The following CACNA1E variants were observed in gnomAD, a reference collection of about 807,000 sequenced individuals.
CACNA1E encodes the protein calcium voltage-gated channel subunit alpha1 E, also known as voltage-dependent R-type calcium channel subunit alpha-1E.
CACNA1E carries 40 observed loss-of-function variants against 259.2 expected under a neutral mutation model. The ratio of observed to expected loss-of-function variants is 0.15; its 90% CI spans 0.12 to 0.20. CACNA1E has a LOEUF of 0.20. Ranked by LOEUF, CACNA1E falls within the 10% of genes least tolerant of loss-of-function variation. The pLI is 1.00. For missense variants in CACNA1E, 1,874 were observed against 3,040.1 expected (o/e 0.62, Z 9.02); for synonymous variants, 1,104 against 1,138.5 (o/e 0.97, Z 0.61).
At chr1:181,434,970 G>A (rs1252784613) in intron 2 of CACNA1E, among the ~76,000 whole-genome samples, 1 of 152,194 alleles carries the variant, frequency 6.6e-6, no homozygotes, top group Non-Finnish European at 1.5e-5. Flanking sequence ...CTTGATCTGG[G>A]TTGCAGACAG....
chr1:181,685,328 T>A (rs777895250), intron 7 of CACNA1E, among the ~76,000 whole-genome samples: 3 of 151,216 alleles, frequency 2.0e-5, no homozygotes, highest in Non-Finnish European at 2.9e-5. Context: ...CAACCATATA[T>A]ATTATACCTC....
intron 1 of CACNA1E, among the ~76,000 whole-genome samples, chr1:181,360,364 T>C (rs1653777514): frequency 6.6e-6 from 1 of 152,328 alleles, no homozygotes; most frequent in African/African-American, 2.4e-5. Flanking sequence ...CATTAGCTGA[T>C]GAATGGATAA....
chr1:181,476,717 G>A (rs1346643767), intron 2 of CACNA1E, among the ~76,000 whole-genome samples: 1 of 152,198 alleles, frequency 6.6e-6, no homozygotes, highest in Non-Finnish European at 1.5e-5. Context: ...TGCAAGGTGT[G>A]GGCTGTGTTG....
intron 6 of CACNA1E, among the ~76,000 whole-genome samples, chr1:181,620,463 T>G (rs567929885): frequency 1.3e-5 from 2 of 152,236 alleles, no homozygotes; most frequent in Non-Finnish European, 2.9e-5. Context: ...TTGTGATACA[T>G]TCACCTCAAG....
intron 6 of CACNA1E, among the ~76,000 whole-genome samples, chr1:181,582,972 C>A (rs1275745346): frequency 6.6e-6 from 1 of 152,154 alleles, no homozygotes; most frequent in Admixed American, 6.5e-5. Context: ...TGACTTCCAG[C>A]CTGTCAGTCA....
At chr1:181,425,818 C>G (rs1049339325) in intron 2 of CACNA1E, among the ~76,000 whole-genome samples, 1 of 152,048 alleles carries the variant, frequency 6.6e-6, no homozygotes, top group African/African-American at 2.4e-5. Flanking sequence ...TGAAGGCATG[C>G]AGGGTTGGCG....
At chr1:181,564,161 C>A (rs904309958) in intron 3 of CACNA1E, among the ~76,000 whole-genome samples, 1 of 152,030 alleles carries the variant, frequency 6.6e-6, no homozygotes, top group African/African-American at 2.4e-5. Context: ...TTGCTGTATC[C>A]GTTGACTCTT....
intron 1 of CACNA1E, among the ~76,000 whole-genome samples, chr1:181,403,819 G>A (rs942027650): frequency 2.0e-5 from 3 of 152,216 alleles, no homozygotes; most frequent in South Asian, 4.1e-4. Context: ...GGTGGCTTCC[G>A]GGTTGATTGA....
chr1:181,422,251 T>C (rs1326966308), intron 2 of CACNA1E, among the ~76,000 whole-genome samples: 1 of 152,228 alleles, frequency 6.6e-6, no homozygotes, highest in Non-Finnish European at 1.5e-5. Context: ...GTGAGATCAG[T>C]GATTTGACTG....
chr1:181,388,498 A>C (rs1249944107), intron 1 of CACNA1E, among the ~76,000 whole-genome samples: 2 of 152,214 alleles, frequency 1.3e-5, no homozygotes, highest in Non-Finnish European at 2.9e-5. Context: ...TCTGTATGGC[A>C]TGTTACTGCA....
chr1:181,729,589 A>G (rs191870488), intron 18 of CACNA1E, among the ~76,000 whole-genome samples: 44 of 152,342 alleles, frequency 2.9e-4, no homozygotes, highest in Non-Finnish European at 5.6e-4. Context: ...CATCTTTGAA[A>G]TGAGAAGAAT....
intron 7 of CACNA1E, among the ~76,000 whole-genome samples, chr1:181,691,002 A>G (rs1651097598): frequency 6.6e-6 from 1 of 152,006 alleles, no homozygotes; most frequent in Non-Finnish European, 1.5e-5. Flanking sequence ...CATTGTGCTC[A>G]CTGCATCTAT....
chr1:181,753,279 C>G (rs1402534158), intron 27 of CACNA1E, among the ~76,000 whole-genome samples: 1 of 152,216 alleles, frequency 6.6e-6, no homozygotes, highest in Non-Finnish European at 1.5e-5. Context: ...TTCTTAAAAT[C>G]CAGATTGCTG....
In CACNA1E at chr1:181,794,863, G is replaced by A; in HGVS notation, c.6028-1G>A. 6.2e-7 allele frequency: 1 copy of A among 1,608,496 alleles called. No individual in the cohort carries two copies. Among genetic ancestry groups the A allele is most frequent in the Non-Finnish European group, 8.5e-7 (1 of 1,177,014 alleles). ...GTTTCTCTGGGGGCTTGTATTTCCA[G>A]GTGGTGACAGACCCTAGCTCCATGA... On this transcript the variant is annotated splice_acceptor_variant, in intron 45 of 47. Transcript: ENST00000367573. LOFTEE classifies it high-confidence loss of function.
At chr1:181,493,390 G>A (rs757239662) in intron 1 of CACNA1E, among the ~76,000 whole-genome samples, 2 of 152,180 alleles carry the variant, frequency 1.3e-5, no homozygotes, top group Non-Finnish European at 2.9e-5. Flanking sequence ...CAAAGGGCAT[G>A]AATTCAATAC....
intron 1 of CACNA1E, among the ~76,000 whole-genome samples, chr1:181,498,355 G>A (rs748848594): frequency 8.5e-5 from 13 of 152,210 alleles, no homozygotes; most frequent in Non-Finnish European, 1.9e-4. Flanking sequence ...GAAGATTCTA[G>A]CTTTTCTTTA....
intron 38 of CACNA1E, among the ~76,000 whole-genome samples, chr1:181,781,112 C>T (rs1572880637): frequency 1.3e-5 from 2 of 152,210 alleles, no homozygotes; most frequent in South Asian, 4.2e-4. Flanking sequence ...GTGACTGTTC[C>T]CATGGAGAGT....
chr1:181,689,359 A>C (rs1438599525), intron 7 of CACNA1E, among the ~76,000 whole-genome samples: 3 of 152,138 alleles, frequency 2.0e-5, no homozygotes, highest in Admixed American at 1.3e-4. Flanking sequence ...TATGTGCCAC[A>C]TTTTCTTTAT....
intron 34 of CACNA1E, among the ~76,000 whole-genome samples, chr1:181,765,996 C>G (rs1658991416): frequency 6.6e-6 from 1 of 152,114 alleles, no homozygotes; most frequent in South Asian, 2.1e-4. Context: ...TAATAAAACG[C>G]CAGGAGGCTT....
Sources: allele counts gnomAD v4.1 joint callset (sites outside exome capture counted in the v4.1 genomes callset), GRCh38; gene constraint gnomAD v4.1.1; transcripts MANE v1.5; gene names NCBI Gene and HGNC (gene_info 2026-07-23, HGNC 2026-07-21).